Variants in AHI1 observed in about 807,000 individuals in gnomAD.
AHI1 encodes the protein Abelson helper integration site 1, also known as jouberin.
Under a neutral mutation model 149.3 loss-of-function variants are expected in AHI1, and 123 were observed. That is an observed-to-expected ratio of 0.82 (90% CI 0.71 to 0.96). The LOEUF (loss-of-function observed/expected upper bound fraction) is 0.96. Ranked by LOEUF, AHI1 falls within the 40% of genes least tolerant of loss-of-function variation. The pLI is 0.00. For synonymous variants in AHI1, 475 were observed against 459.8 expected, an observed-to-expected ratio of 1.03 and a Z score of -0.42; for missense variants, 1,439 against 1,422.7, an observed-to-expected ratio of 1.01 and a Z score of -0.18.
intron 24 of AHI1, among the ~76,000 whole-genome samples, chr6:135,356,042 T>C (rs1792913489): frequency 6.6e-6 from 1 of 152,202 alleles, no homozygotes; most frequent in South Asian, 2.1e-4. Context: ...ATGGCAGTAC[T>C]TGGAGCAAGG....
At chr6:135,315,895 C>T (rs553053144) in intron 26 of AHI1, among the ~76,000 whole-genome samples, 3 of 152,296 alleles carry the variant, frequency 2.0e-5, no homozygotes, top group African/African-American at 7.2e-5. Context: ...TCCCTATCCA[C>T]ACTTACCTGT....
At chr6:135,396,572 T>A (rs1181278948) in intron 22 of AHI1, among the ~76,000 whole-genome samples, 1 of 151,800 alleles carries the variant, frequency 6.6e-6, no homozygotes, top group East Asian at 1.9e-4. Context: ...GAAGTAAGGG[T>A]AATTAGGTAT....
chr6:135,489,879 A>C (rs1292790032), intron 5 of AHI1: 1 of 259,576 alleles, frequency 3.9e-6, no homozygotes, highest in East Asian at 6.9e-5. Context: ...ATTATAACTC[A>C]TTATAAAACT....
intron 9 of AHI1, 44 bp from the exon 10 acceptor site, chr6:135,455,970 T>C: frequency 7.7e-7 from 1 of 1,299,840 alleles, no homozygotes; most frequent in Non-Finnish European, 1.0e-6. Flanking sequence ...TTTCATAATT[T>C]TGAGGTGAGA....
chr6:135,358,812 T>C (rs1026320861), intron 23 of AHI1, among the ~76,000 whole-genome samples: 1 of 152,232 alleles, frequency 6.6e-6, no homozygotes, highest in Non-Finnish European at 1.5e-5. Context: ...CATTTCTTTG[T>C]AATAAACACC....
intron 26 of AHI1, among the ~76,000 whole-genome samples, chr6:135,314,212 G>A (rs1785611698): frequency 6.6e-6 from 1 of 151,002 alleles, no homozygotes; most frequent in Non-Finnish European, 1.5e-5. Context: ...GTATTTGGGA[G>A]GTAATTAGGT....
chr6:135,293,984 T>C (rs894098086), intron 27 of AHI1, among the ~76,000 whole-genome samples: 2 of 152,172 alleles, frequency 1.3e-5, no homozygotes, highest in African/African-American at 4.8e-5. Context: ...ACTACAAAAC[T>C]ACTCAGTAAT....
At chr6:135,450,733 C>G (rs765665295) in intron 11 of AHI1, among the ~76,000 whole-genome samples, 3 of 152,072 alleles carry the variant, frequency 2.0e-5, no homozygotes, top group Non-Finnish European at 4.4e-5. Context: ...GAGTAAACAA[C>G]TAAGATTCAG....
chr6:135,351,118 A>G (rs1792029710), intron 24 of AHI1, among the ~76,000 whole-genome samples: 2 of 150,984 alleles, frequency 1.3e-5, no homozygotes, highest in South Asian at 2.1e-4. Context: ...AAATACATAC[A>G]TAAATAAAAC....
At chr6:135,323,113 C>T (rs1562498905) in intron 25 of AHI1, 49 bp downstream of exon 25, 1 of 1,505,738 alleles carries the variant, frequency 6.6e-7, no homozygotes, top group South Asian at 1.4e-5. Context: ...AAATCTTGGA[C>T]TATCAGTTAT....
chr6:135,347,748 G>A (rs1791450929), intron 24 of AHI1, among the ~76,000 whole-genome samples: 1 of 152,166 alleles, frequency 6.6e-6, no homozygotes, highest in Non-Finnish European at 1.5e-5. Context: ...AGCTATAAAT[G>A]TGATCATATT....
chr6:135,395,439 T>G (rs1214920420), intron 22 of AHI1, among the ~76,000 whole-genome samples: 1 of 151,906 alleles, frequency 6.6e-6, no homozygotes, highest in East Asian at 1.9e-4. Context: ...TTTAAAAATA[T>G]CATTAAAATA....
chr6:135,438,337 A>T (rs201038948), intron 15 of AHI1, 38 bp downstream of exon 15: 362 of 1,522,448 alleles, frequency 2.4e-4, no homozygotes, highest in Non-Finnish European at 2.5e-4. Context: ...CCTTGACAGC[A>T]AACAGCATGC....
intron 8 of AHI1, among the ~76,000 whole-genome samples, chr6:135,459,612 G>A (rs1167156937): frequency 6.6e-6 from 1 of 151,762 alleles, no homozygotes; most frequent in Non-Finnish European, 1.5e-5. Flanking sequence ...AAGAAATTGA[G>A]AGAAAACAAA....
chr6:135,410,273 G>A (rs1176033189), intron 21 of AHI1, among the ~76,000 whole-genome samples: 1 of 152,184 alleles, frequency 6.6e-6, no homozygotes, highest in East Asian at 1.9e-4. Context: ...AAGAGTCAGA[G>A]GCAGGAGAAT....
intron 27 of AHI1, among the ~76,000 whole-genome samples, chr6:135,291,691 G>T (rs1331613903): frequency 6.6e-6 from 1 of 152,192 alleles, no homozygotes; most frequent in Non-Finnish European, 1.5e-5. Context: ...TAAGTGAAAT[G>T]AAGTCAGATG....
At chr6:135,334,404 A>C (rs1026204594) in intron 24 of AHI1, among the ~76,000 whole-genome samples, 1 of 152,176 alleles carries the variant, frequency 6.6e-6, no homozygotes, top group South Asian at 2.1e-4. Context: ...AGCCCTCATC[A>C]GACATCAAAT....
chr6:135,380,291 A>C (rs1050113223), intron 23 of AHI1, among the ~76,000 whole-genome samples: 1 of 152,098 alleles, frequency 6.6e-6, no homozygotes, highest in Non-Finnish European at 1.5e-5. Context: ...ATGAACACAT[A>C]GACTTTTTTC....
chr6:135,480,713 C>T (rs113491721), intron 5 of AHI1, among the ~76,000 whole-genome samples: 1 of 152,160 alleles, frequency 6.6e-6, no homozygotes, highest in South Asian at 2.1e-4. Context: ...CAGATTAGGG[C>T]AGGGGTCCTC....
Sources: gnomAD v4.1 joint callset for allele counts (sites outside exome capture counted in the v4.1 genomes callset) on GRCh38, gnomAD v4.1.1 for gene constraint, MANE v1.5 for transcripts, NCBI Gene and HGNC (gene_info 2026-07-23, HGNC 2026-07-21) for gene names.